The following PDE4D variants were observed in gnomAD, a reference collection of about 807,000 sequenced individuals.
PDE4D encodes phosphodiesterase 4D.
A neutral mutation model predicts 87.4 loss-of-function variants in PDE4D; 24 were observed. The ratio of observed to expected loss-of-function variants is 0.27; its 90% confidence interval spans 0.20 to 0.39. The LOEUF is 0.39. Among genes scored for constraint, PDE4D ranks in the 10% least tolerant of loss-of-function variants. The pLI, the probability that PDE4D is intolerant of heterozygous loss-of-function variation, is 1.00. For missense variants in PDE4D, 714 were observed against 1,041.0 expected (o/e 0.69, Z 4.32); for synonymous variants, 384 against 383.2 (o/e 1.00, Z -0.02).
chr5:59,238,620 G>T (rs1756989593), intron 1 of PDE4D, among the ~76,000 whole-genome samples: 1 of 152,124 alleles, frequency 6.6e-6, no homozygotes, highest in African/African-American at 2.4e-5. Flanking sequence ...TGAACAGAAA[G>T]AACTGGAAGG....
intron 1 of PDE4D, among the ~76,000 whole-genome samples, chr5:59,461,112 C>A (rs770479813): frequency 6.6e-6 from 1 of 151,974 alleles, no homozygotes; most frequent in Non-Finnish European, 1.5e-5. Context: ...TTGGGGAGCA[C>A]GCTGCTTTGT....
chr5:59,039,083 C>T (rs1413115301), intron 5 of PDE4D, 112 bp from the exon 6 acceptor site: 2 of 1,481,996 alleles, frequency 1.3e-6, no homozygotes, highest in Non-Finnish European at 9.0e-7. Flanking sequence ...TGCCCGGTGC[C>T]GGCACATGAG....
At chr5:59,917,773 G>A (rs1435031196) in intron 3 of PDE4D, among the ~76,000 whole-genome samples, 1 of 151,978 alleles carries the variant, frequency 6.6e-6, no homozygotes, top group Non-Finnish European at 1.5e-5. Flanking sequence ...TTATTTCAAT[G>A]CAACTTATTT....
intron 1 of PDE4D, among the ~76,000 whole-genome samples, chr5:60,501,618 C>T (rs1252782961): frequency 6.6e-6 from 1 of 151,650 alleles, no homozygotes; most frequent in Non-Finnish European, 1.5e-5. Flanking sequence ...GTCCCACCAA[C>T]AGTGTAAAAG....
chr5:60,327,950 C>A (rs192137043), intron 1 of PDE4D, among the ~76,000 whole-genome samples: 1 of 152,144 alleles, frequency 6.6e-6, no homozygotes, highest in African/African-American at 2.4e-5. Context: ...ATAGCTTCTA[C>A]AAATATAATT....
intron 1 of PDE4D, among the ~76,000 whole-genome samples, chr5:59,464,093 G>A (rs1350206245): frequency 1.3e-5 from 2 of 152,148 alleles, no homozygotes; most frequent in Non-Finnish European, 2.9e-5. Flanking sequence ...AAGGCTGCAG[G>A]GACCTCTGCC....
At chr5:60,112,191 T>C (rs1455884974) in intron 2 of PDE4D, among the ~76,000 whole-genome samples, 1 of 152,108 alleles carries the variant, frequency 6.6e-6, no homozygotes, top group Non-Finnish European at 1.5e-5. Flanking sequence ...TTCTGTATAT[T>C]TCATTAAAAA....
intron 1 of PDE4D, among the ~76,000 whole-genome samples, chr5:59,546,325 C>T (rs900007856): frequency 5.9e-5 from 9 of 152,090 alleles, no homozygotes; most frequent in East Asian, 1.9e-4. Context: ...AAGTGCGTTG[C>T]GCTCATCAAA....
In PDE4D at chr5:58,982,545, T is replaced by G. The variant is rs146510664; in HGVS notation, c.1553-5200A>C. On this transcript the variant is annotated intron_variant, in intron 11 of 14. Transcript: ENST00000340635. ...ACATCTGTTTCCAGAGAAAGTGCCT[T>G]TTCCACTAAGGACAAAATGCTACCC... Among the ~76,000 whole-genome samples, 752 of 152,276 alleles carry G rather than the reference T, an allele frequency of 4.9e-3. 1 individual carries two copies. Among genetic ancestry groups the G allele is most frequent in the Middle Eastern group, 0.031 (9 of 294 alleles).
At chr5:59,607,437 C>A (rs935698732) in intron 1 of PDE4D, among the ~76,000 whole-genome samples, 7 of 152,010 alleles carry the variant, frequency 4.6e-5, no homozygotes, top group African/African-American at 1.4e-4. Flanking sequence ...TAGTTCTGTA[C>A]GTTTTAGAGA....
At chr5:59,010,591 C>T (rs149895107) in intron 6 of PDE4D, among the ~76,000 whole-genome samples, 2 of 152,072 alleles carry the variant, frequency 1.3e-5, no homozygotes, top group Non-Finnish European at 2.9e-5. Flanking sequence ...CATCGAATAG[C>T]GAATGAGTAT....
At chr5:59,639,783 C>A (rs1160032875) in intron 1 of PDE4D, among the ~76,000 whole-genome samples, 1 of 151,170 alleles carries the variant, frequency 6.6e-6, no homozygotes, top group Non-Finnish European at 1.5e-5. Context: ...CATAATATCA[C>A]CCCTGCCAAT....
intron 6 of PDE4D, among the ~76,000 whole-genome samples, chr5:59,025,263 G>T (rs1021966641): frequency 6.6e-6 from 1 of 151,918 alleles, no homozygotes; most frequent in African/African-American, 2.4e-5. Context: ...TTGCTACAAA[G>T]CCTATCATTA....
chr5:60,299,243 T>A (rs1462041572), intron 1 of PDE4D, among the ~76,000 whole-genome samples: 1 of 152,298 alleles, frequency 6.6e-6, no homozygotes, highest in African/African-American at 2.4e-5. Flanking sequence ...CCAAAAGTAA[T>A]GGATAATCAA....
At chr5:60,448,405 C>A (rs534953708) in intron 1 of PDE4D, among the ~76,000 whole-genome samples, 51 of 152,184 alleles carry the variant, frequency 3.4e-4, no homozygotes, top group Middle Eastern at 6.8e-3. Flanking sequence ...AGATGTCTGC[C>A]CTGCACATAA....
intron 1 of PDE4D, among the ~76,000 whole-genome samples, chr5:59,475,663 T>C (rs1803187453): frequency 6.6e-6 from 1 of 152,050 alleles, no homozygotes; most frequent in African/African-American, 2.4e-5. Flanking sequence ...TGTCTCCCAG[T>C]AAAAAGATTA....
At chr5:60,515,708 C>A (rs374830776) in intron 1 of PDE4D, among the ~76,000 whole-genome samples, 1 of 147,134 alleles carries the variant, frequency 6.8e-6, no homozygotes, top group African/African-American at 2.6e-5. Context: ...GTGGATAGTG[C>A]GTAAGAACTC....
chr5:59,038,151 T>C (rs1291482222), intron 6 of PDE4D, among the ~76,000 whole-genome samples: 2 of 152,238 alleles, frequency 1.3e-5, no homozygotes, highest in South Asian at 4.1e-4. Flanking sequence ...CCTTCCGTGC[T>C]ATTTTAAGGC....
chr5:60,336,339 T>A (rs1471758052), intron 1 of PDE4D, among the ~76,000 whole-genome samples: 2 of 152,216 alleles, frequency 1.3e-5, no homozygotes, highest in Non-Finnish European at 1.5e-5. Flanking sequence ...ACTTGAATTT[T>A]ACTGTAAATA....
Sources: allele counts gnomAD v4.1 joint callset (sites outside exome capture counted in the v4.1 genomes callset), GRCh38; gene constraint gnomAD v4.1.1; transcripts MANE v1.5; gene names NCBI Gene and HGNC (gene_info 2026-07-23, HGNC 2026-07-21).